Variants in CNTN5 observed in about 807,000 individuals in gnomAD.
CNTN5 encodes contactin 5, also known as contactin-5.
In CNTN5, 77 loss-of-function variants were observed where a neutral mutation model predicts 129.1. The ratio of observed to expected loss-of-function variants is 0.60; its 90% CI spans 0.50 to 0.72. CNTN5 has a LOEUF of 0.72. CNTN5 is among the 30% of genes least tolerant of loss of function. The pLI is 0.00. For synonymous variants in CNTN5, 509 were observed against 465.6 expected (o/e 1.09, Z -1.20); for missense variants, 1,478 against 1,328.8 (o/e 1.11, Z -1.75).
At chr11:99,536,627 A>G (rs10893478) in intron 2 of CNTN5, among the ~76,000 whole-genome samples, 37,745 of 151,966 alleles carry the variant, frequency 0.25, 5,164 homozygotes, top group Non-Finnish European at 0.31. Flanking sequence ...GAGGAAGAAA[A>G]GAACCAAGTG....
At chr11:99,105,079 A>T (rs1459045279) in intron 1 of CNTN5, among the ~76,000 whole-genome samples, 3 of 152,132 alleles carry the variant, frequency 2.0e-5, no homozygotes, top group African/African-American at 7.2e-5. Context: ...GAAGTTTAGC[A>T]TTCTTGTGAT....
intron 21 of CNTN5, chr11:100,309,192 C>A (rs1427757008): frequency 1.0e-6 from 1 of 984,828 alleles, no homozygotes. Context: ...GCATCTGACC[C>A]AAGACTTTAG....
intron 3 of CNTN5, among the ~76,000 whole-genome samples, chr11:99,814,577 G>GA (rs148166621): frequency 0.079 from 11,940 of 152,008 alleles, 717 homozygotes; most frequent in African/African-American, 0.17. Context: ...GTTAGCCTGG[G>GA]AAAAAAACAG....
intron 2 of CNTN5, among the ~76,000 whole-genome samples, chr11:99,537,550 C>T (rs563130207): frequency 6.6e-6 from 1 of 152,070 alleles, no homozygotes; most frequent in African/African-American, 2.4e-5. Flanking sequence ...CACCCTTCTT[C>T]GCTTCTCTTA....
chr11:99,701,005 CA>C (rs1346523334), intron 3 of CNTN5, among the ~76,000 whole-genome samples: 1 of 151,200 alleles, frequency 6.6e-6, no homozygotes, highest in Non-Finnish European at 1.5e-5. Flanking sequence ...TAAAAGTTTT[CA>C]TTACTGAGAA....
chr11:99,588,125 C>T (rs138451411), intron 3 of CNTN5, among the ~76,000 whole-genome samples: 1,923 of 152,194 alleles, frequency 0.013, 40 homozygotes, highest in African/African-American at 0.043. Context: ...GGGCGGATCA[C>T]GATGTCAGGA....
chr11:99,310,384 A>G (rs1455109526), intron 1 of CNTN5, among the ~76,000 whole-genome samples: 5 of 152,136 alleles, frequency 3.3e-5, no homozygotes, highest in Non-Finnish European at 5.9e-5. Context: ...ATTATTTAAA[A>G]TCTTGAAAAA....
At chr11:100,255,993 T>C in intron 17 of CNTN5, 75 bp downstream of exon 17, 1 of 1,295,578 alleles carries the variant, frequency 7.7e-7, no homozygotes, top group Non-Finnish European at 1.1e-6. Flanking sequence ...GGCTAAGGTC[T>C]TACTATGATT....
In CNTN5 at chr11:99,457,090, G is replaced by A. The variant is rs1944524328; in HGVS notation, c.-70-99055G>A. ...CAGGTTTCCAAAGTTATTTGGAATC[G>A]GTAGATAATAGTGAGAGAATGAATG... is the stretch of plus-strand genomic sequence containing the variant. On this transcript the variant is annotated intron_variant, in intron 2 of 24. Coordinates refer to ENST00000524871, the MANE Select transcript of CNTN5 (RefSeq NM_014361.4). 2.6e-5 allele frequency among the ~76,000 whole-genome samples: 4 copies of A among 151,964 alleles called. No homozygotes were observed. The South Asian group carries it at 8.3e-4, about 32-fold the overall frequency.
At chr11:100,168,306 A>T (rs1346445652) in intron 13 of CNTN5, among the ~76,000 whole-genome samples, 2 of 152,006 alleles carry the variant, frequency 1.3e-5, no homozygotes, top group African/African-American at 4.8e-5. Flanking sequence ...TTGGAAGAGG[A>T]TGCCGTCTAC....
intron 1 of CNTN5, among the ~76,000 whole-genome samples, chr11:99,133,804 T>G (rs948742840): frequency 6.6e-6 from 1 of 152,166 alleles, no homozygotes; most frequent in Non-Finnish European, 1.5e-5. Context: ...TTTCCACTGC[T>G]GGTGGCAATG....
chr11:99,437,685 G>A (rs937962634), intron 2 of CNTN5, among the ~76,000 whole-genome samples: 2 of 151,902 alleles, frequency 1.3e-5, no homozygotes, highest in Admixed American at 1.3e-4. Flanking sequence ...AAAATTAGCC[G>A]GGTGGCATGC....
intron 1 of CNTN5, among the ~76,000 whole-genome samples, chr11:99,292,229 T>A (rs1864199533): frequency 6.9e-6 from 1 of 145,550 alleles, no homozygotes; most frequent in South Asian, 2.2e-4. Flanking sequence ...ATAGAAAATA[T>A]ATATATATAA....
intron 13 of CNTN5, among the ~76,000 whole-genome samples, chr11:100,124,462 C>G (rs75538059): frequency 0.018 from 2,675 of 151,680 alleles, 79 homozygotes; most frequent in African/African-American, 0.061. Flanking sequence ...AAACAGCATG[C>G]AAGGAAAAAG....
At position 99,545,585 on chromosome 11, in the gene CNTN5, A is replaced by T. The variant is rs968719613; in HGVS notation, c.-70-10560A>T. ...ATTCATATCACGTTATACAAAGGAA[A>T]TTTTTAAAACTCAAAATCTTTCAGG... On this transcript the variant is annotated intron_variant, in intron 2 of 24. Coordinates refer to ENST00000524871, the MANE Select transcript of CNTN5 (RefSeq NM_014361.4). 1.3e-5 allele frequency among the ~76,000 whole-genome samples: 2 copies of T among 152,326 alleles called. 1 individual carries two copies. Among genetic ancestry groups the T allele is most frequent in the African/African-American group, 4.8e-5 (2 of 41,572 alleles).
chr11:99,630,333 G>A (rs950110799), intron 3 of CNTN5, among the ~76,000 whole-genome samples: 1 of 151,892 alleles, frequency 6.6e-6, no homozygotes, highest in Admixed American at 6.6e-5. Context: ...CCTCTGGAGA[G>A]CAATTTTCAG....
At position 100,300,581 on chromosome 11, in the gene CNTN5, G is replaced by A. The variant is rs188554354; in HGVS notation, c.2620+1185G>A. The stretch of plus-strand genomic sequence containing the variant: ...CCCCCATGAAGCTATGAGCTTCACG[G>A]GGGATATAAATATAGTCATGTGAAT... On this transcript the variant is annotated intron_variant, in intron 20 of 24. Transcript: ENST00000524871. 3.9e-4 allele frequency among the ~76,000 whole-genome samples: 59 copies of A among 151,498 alleles called. No individual in the cohort carries two copies. In the East Asian group the frequency reaches 9.0e-3, roughly 23 times the overall value.
At chr11:99,818,257 A>G (rs554188768) in intron 3 of CNTN5, among the ~76,000 whole-genome samples, 1 of 138,700 alleles carries the variant, frequency 7.2e-6, no homozygotes, top group Admixed American at 7.8e-5. Flanking sequence ...TCTGAACAAA[A>G]CTACCTTTTT....
intron 3 of CNTN5, among the ~76,000 whole-genome samples, chr11:99,787,340 C>T (rs1055195322): frequency 1.3e-5 from 2 of 151,344 alleles, no homozygotes; most frequent in Non-Finnish European, 3.0e-5. Context: ...GAAATTAGGA[C>T]CTGTTCAACT....
Sources: allele counts gnomAD v4.1 joint callset (sites outside exome capture counted in the v4.1 genomes callset), GRCh38; gene constraint gnomAD v4.1.1; transcripts MANE v1.5; gene names NCBI Gene and HGNC (gene_info 2026-07-23, HGNC 2026-07-21).